Variants in LOC400499 observed in about 807,000 individuals in gnomAD.
the LOC400499 span, among the ~76,000 whole-genome samples, chr16:11,469,868 C>A: frequency 2.6e-5 from 4 of 152,300 alleles, no homozygotes; most frequent in African/African-American, 9.6e-5. Context: ...GAAGCGGCTG[C>A]GGTGCACACT....
the LOC400499 span, among the ~76,000 whole-genome samples, chr16:11,468,873 C>T: frequency 1.3e-5 from 2 of 152,172 alleles, no homozygotes; most frequent in Non-Finnish European, 2.9e-5. Context: ...GTGATCTGCC[C>T]GCTTCGACCT....
chr16:11,427,986 G>T, the LOC400499 span, among the ~76,000 whole-genome samples: 4 of 152,102 alleles, frequency 2.6e-5, no homozygotes, highest in Non-Finnish European at 5.9e-5. Context: ...AGGCTTCTTG[G>T]ATCTCCCACA....
At chr16:11,393,308 C>CTT in the LOC400499 span, 1 of 1,151,862 alleles carries the variant, frequency 8.7e-7, no homozygotes, top group South Asian at 4.5e-5. Flanking sequence ...CTTCTGAAAT[C>CTT]TTAACGCCCA....
chr16:11,473,955 A>C, the LOC400499 span, among the ~76,000 whole-genome samples: 4 of 152,140 alleles, frequency 2.6e-5, no homozygotes, highest in Non-Finnish European at 5.9e-5. Flanking sequence ...TCCTGGGCTC[A>C]AGCGGACTTC....
chr16:11,386,960 G>C, the LOC400499 span, among the ~76,000 whole-genome samples: 3 of 152,226 alleles, frequency 2.0e-5, no homozygotes, highest in African/African-American at 2.4e-5. Context: ...AGCAGGATGT[G>C]TACCCTCAGC....
At chr16:11,455,650 G>A in the LOC400499 span, among the ~76,000 whole-genome samples, 4 of 151,246 alleles carry the variant, frequency 2.6e-5, no homozygotes, top group African/African-American at 9.7e-5. Context: ...CACGAGAAGA[G>A]CTTGAGTCTT....
At chr16:11,373,919 C>T in the LOC400499 span, among the ~76,000 whole-genome samples, 2 of 152,078 alleles carry the variant, frequency 1.3e-5, no homozygotes, top group African/African-American at 4.8e-5. Flanking sequence ...CTTGCCTGGC[C>T]GGGAAGCACC....
At chr16:11,445,272 T>C in the LOC400499 span, among the ~76,000 whole-genome samples, 1 of 151,702 alleles carries the variant, frequency 6.6e-6, no homozygotes, top group East Asian at 1.9e-4. Flanking sequence ...AATACAAAAA[T>C]TAGCCAGGAG....
the LOC400499 span, chr16:11,401,426 C>T: frequency 2.5e-6 from 1 of 399,410 alleles, no homozygotes; most frequent in African/African-American, 2.1e-5. Flanking sequence ...GAGACAGACT[C>T]AGCCAGTGGC....
chr16:11,391,908 G>T, the LOC400499 span: 1 of 1,024,900 alleles, frequency 9.8e-7, no homozygotes, highest in South Asian at 4.8e-5. Flanking sequence ...CCAGGGCAGA[G>T]AGAGCCCCAG....
the LOC400499 span, chr16:11,399,928 G>T: frequency 6.5e-5 from 26 of 397,796 alleles, no homozygotes; most frequent in Admixed American, 1.1e-3. Context: ...TAGGGAGGAT[G>T]GAGAAGCTGG....
the LOC400499 span, among the ~76,000 whole-genome samples, chr16:11,456,235 G>C: frequency 6.6e-6 from 1 of 152,076 alleles, no homozygotes; most frequent in Non-Finnish European, 1.5e-5. Context: ...AGCAGAGATG[G>C]GGTTTCACCA....
At chr16:11,496,918 G>A in the LOC400499 span, among the ~76,000 whole-genome samples, 1 of 148,756 alleles carries the variant, frequency 6.7e-6, no homozygotes, top group African/African-American at 2.6e-5. Flanking sequence ...GTGTGTGTGT[G>A]TGTGTGTGTG....
chr16:11,402,228 G>A, the LOC400499 span: 1,647 of 398,940 alleles, frequency 4.1e-3, 25 homozygotes, highest in African/African-American at 0.03. Context: ...GGCCCAAGGG[G>A]GTTCAGGGGA....
chr16:11,446,677 G>C, the LOC400499 span: 2 of 1,533,030 alleles, frequency 1.3e-6, no homozygotes, highest in Non-Finnish European at 1.7e-6. Context: ...CGCATGCAGG[G>C]AGTGAGGAGG....
chr16:11,385,064 G>A, the LOC400499 span: 2 of 1,231,702 alleles, frequency 1.6e-6, no homozygotes, highest in African/African-American at 1.6e-5. Flanking sequence ...CAGCCTGTAG[G>A]CCTGTGGGCC....
At chr16:11,446,741 C>T in the LOC400499 span, 13 of 1,535,278 alleles carry the variant, frequency 8.5e-6, no homozygotes, top group Non-Finnish European at 1.1e-5. Flanking sequence ...GCCCCAGACA[C>T]ACTCACGTAG....
chr16:11,496,414 G>C, the LOC400499 span, among the ~76,000 whole-genome samples: 1 of 152,184 alleles, frequency 6.6e-6, no homozygotes, highest in Non-Finnish European at 1.5e-5. Context: ...CACCAGATCT[G>C]TGTTACTACG....
chr16:11,431,228 T>A, the LOC400499 span: 2 of 399,000 alleles, frequency 5.0e-6, no homozygotes, highest in East Asian at 7.1e-5. Context: ...AACAGCCAAA[T>A]CCTAGGCAGC....
Sources: allele counts gnomAD v4.1 joint callset (sites outside exome capture counted in the v4.1 genomes callset), GRCh38; gene constraint gnomAD v4.1.1; transcripts MANE v1.5.